TCF7L1: variants seen among roughly 807,000 people sequenced by gnomAD.
TCF7L1 encodes the protein transcription factor 7 like 1, also known as transcription factor 7-like 1.
Under a neutral mutation model 63.7 loss-of-function variants are expected in TCF7L1, and 18 were observed. The ratio of observed to expected loss-of-function variants is 0.28; its 90% CI spans 0.20 to 0.42. The LOEUF (loss-of-function observed/expected upper bound fraction) is 0.42, where lower values mean the gene tolerates loss of function less well. Ranked by LOEUF, TCF7L1 falls within the 10% of genes least tolerant of loss-of-function variation. The pLI, the probability that TCF7L1 is intolerant of heterozygous loss-of-function variation, is 1.00. For missense variants in TCF7L1, 654 were observed against 779.3 expected (o/e 0.84, Z 1.91); for synonymous variants, 355 against 340.9 (o/e 1.04, Z -0.46).
intron 3 of TCF7L1, among the ~76,000 whole-genome samples, chr2:85,198,748 C>G (rs937248271): frequency 1.3e-5 from 2 of 152,172 alleles, no homozygotes; most frequent in Non-Finnish European, 2.9e-5. Flanking sequence ...GTGGTCCTAG[C>G]TACTCTGGAG....
At chr2:85,304,233 C>G (rs1682052253) in intron 6 of TCF7L1, 22 bp from the exon 7 acceptor site, 1 of 1,608,290 alleles carries the variant, frequency 6.2e-7, no homozygotes, top group Non-Finnish European at 8.5e-7. Flanking sequence ...AATATGCTGA[C>G]CAGATTTCCT....
intron 3 of TCF7L1, among the ~76,000 whole-genome samples, chr2:85,152,417 A>G (rs1055397363): frequency 2.1e-4 from 31 of 149,796 alleles, no homozygotes; most frequent in Non-Finnish European, 4.3e-4. Context: ...CTCTAAAAGG[A>G]TATACCATTC....
At chr2:85,170,576 C>T (rs935531554) in intron 3 of TCF7L1, among the ~76,000 whole-genome samples, 14 of 152,110 alleles carry the variant, frequency 9.2e-5, no homozygotes, top group Non-Finnish European at 1.5e-4. Flanking sequence ...AGACTTCTTC[C>T]CTTATTGTAA....
rs186926560 is a variant in TCF7L1, at chr2:85,218,650, A to G, written c.442-64845A>G. On this transcript the variant is annotated intron_variant, in intron 3 of 11. Transcript: ENST00000282111. ...TCTTTTTATTCCAATGGGGGGGGGA[A>G]AACTGGTGATAGTGTTCTTTCCTAA... Among the ~76,000 whole-genome samples, 775 of 149,004 alleles carry G rather than the reference A, an allele frequency of 5.2e-3. 6 individuals carry two copies. Among genetic ancestry groups the G allele is most frequent in the African/African-American group, 0.018 (733 of 40,032 alleles).
intron 3 of TCF7L1, among the ~76,000 whole-genome samples, chr2:85,244,701 A>G (rs1372648106): frequency 6.6e-6 from 1 of 152,128 alleles, no homozygotes; most frequent in Non-Finnish European, 1.5e-5. Flanking sequence ...TTGGGTCTAG[A>G]AGTCAGGGAT....
chr2:85,150,524 G>C (rs909061301), intron 3 of TCF7L1, among the ~76,000 whole-genome samples: 1 of 151,416 alleles, frequency 6.6e-6, no homozygotes, highest in East Asian at 1.9e-4. Context: ...GAGCCACCGC[G>C]CCCGGCCATG....
At position 85,260,533 on chromosome 2, in the gene TCF7L1, C is replaced by A. The variant is rs138524326; in HGVS notation, c.442-22962C>A. On this transcript the variant is annotated intron_variant, in intron 3 of 11. Transcript: ENST00000282111. ...GTGCGTGCATGTAGTCCCAGCTACC[C>A]GGTGGGGACTGAGGTAGGAGGATTA... 2.0e-5 allele frequency among the ~76,000 whole-genome samples: 3 copies of A among 151,522 alleles called. No individual in the cohort carries two copies. In the East Asian group the frequency reaches 5.8e-4, roughly 29 times the overall value.
chr2:85,283,829 C>G (rs1558655965), intron 4 of TCF7L1, among the ~76,000 whole-genome samples: 1 of 152,174 alleles, frequency 6.6e-6, no homozygotes, highest in Non-Finnish European at 1.5e-5. Flanking sequence ...GGCTGCTCAC[C>G]CTGGTTCATC....
rs1046285843 is a variant in TCF7L1 at position 85,263,703 on chromosome 2, G to A, written c.442-19792G>A. On this transcript the variant is annotated intron_variant, in intron 3 of 11. Coordinates refer to ENST00000282111, the MANE Select transcript of TCF7L1 (RefSeq NM_031283.3). The stretch of plus-strand genomic sequence containing the variant: ...TGTGGGATTGAGCTGCCTGTAGCAC[G>A]GTGTCAAGGAAGCACTTGGAGATGA... Among the ~76,000 whole-genome samples, 7 of 152,214 alleles carry A rather than the reference G, an allele frequency of 4.6e-5. No individual in the cohort carries two copies. The East Asian group carries it at 5.8e-4, about 13-fold the overall frequency.
At chr2:85,259,431 G>C (rs1455145176) in intron 3 of TCF7L1, among the ~76,000 whole-genome samples, 1 of 152,170 alleles carries the variant, frequency 6.6e-6, no homozygotes, top group Admixed American at 6.5e-5. Context: ...CAAATTGTTC[G>C]CATTCATTTG....
intron 4 of TCF7L1, among the ~76,000 whole-genome samples, chr2:85,287,634 T>C (rs1444775302): frequency 6.6e-6 from 1 of 152,206 alleles, no homozygotes. Context: ...CCGTAGTCTA[T>C]ATTATAATAT....
In TCF7L1 at chr2:85,302,502, G is replaced by T. The variant is rs751988721; in HGVS notation, c.544G>T (p.Val182Phe). The change falls in exon 5 of 12, where the codon GTT becomes TTT. Residue 182 changes from valine (V) to phenylalanine (F), a missense_variant. Around this residue, in one of 3 missense-constraint regions of TCF7L1, gnomAD observed 404 missense variants for 454.8 expected, o/e 0.89. Coordinates refer to ENST00000282111, the MANE Select transcript of TCF7L1 (RefSeq NM_031283.3). ...CTTTCAGTCTAATAAAGTTCCTGTCGTTCAGCACCCGCATCACATGCATCC... is the reference window on the plus strand; with the variant it reads ...CTTTCAGTCTAATAAAGTTCCTGTCTTTCAGCACCCGCATCACATGCATCC... ...PAHLSNKVPVVQHPHHMHPLT... is the reference protein window; with the variant it reads ...PAHLSNKVPVFQHPHHMHPLT... The T allele has an allele frequency of 1.2e-6, 2 of 1,614,002 alleles. No homozygotes were observed. The highest frequency in any genetic ancestry group is 8.5e-7 in the Non-Finnish European group (1 of 1,180,018).
chr2:85,234,002 T>C (rs1423250277), intron 3 of TCF7L1: 1 of 152,158 alleles, frequency 6.6e-6, no homozygotes, highest in Non-Finnish European at 1.5e-5. Flanking sequence ...TGTGGGAAGA[T>C]TATGTATATA....
intron 3 of TCF7L1, among the ~76,000 whole-genome samples, chr2:85,142,731 C>G (rs1327884955): frequency 6.6e-6 from 1 of 152,120 alleles, no homozygotes; most frequent in African/African-American, 2.4e-5. Context: ...AATGCAGTTT[C>G]CAAAACCTTG....
chr2:85,229,020 CAAAAAA>C (rs1182542916), intron 3 of TCF7L1, among the ~76,000 whole-genome samples: 1 of 57,376 alleles, frequency 1.7e-5, no homozygotes, highest in East Asian at 6.0e-4. Context: ...GACTCTGTCT[CAAAAAA>C]AAAAAAAAAA....
Position 85,309,676 on chromosome 2 carries a change from T to C in TCF7L1, c.*214T>C. 4.2e-6 allele frequency: 2 copies of C among 478,264 alleles called. No individual in the cohort carries two copies. The highest frequency in any genetic ancestry group is 3.8e-5 in the Admixed American group (1 of 26,094). 29.6% of individuals were successfully genotyped at this position (478,264 alleles called of 1,614,324 possible). A position where few individuals can be genotyped will look rare whatever the true frequency, so the allele number is the denominator to read the frequency against. ...CAAAACAAAACAACAAAAAAAAATCTTTATAAGAAAGAGAACTGAAAAGTA... is the reference window on the plus strand; with the variant it reads ...CAAAACAAAACAACAAAAAAAAATCCTTATAAGAAAGAGAACTGAAAAGTA... On this transcript the variant is annotated 3_prime_UTR_variant, in exon 12 of 12. Coordinates refer to ENST00000282111, the MANE Select transcript of TCF7L1 (RefSeq NM_031283.3).
Position 85,174,702 on chromosome 2 carries a change from C to G in TCF7L1, c.441+40252C>G, listed in dbSNP as rs1678635078. Among the ~76,000 whole-genome samples, 4 of 152,312 alleles carry G rather than the reference C, an allele frequency of 2.6e-5. No individual in the cohort carries two copies. The South Asian group carries it at 8.3e-4, about 32-fold the overall frequency. On this transcript the variant is annotated intron_variant, in intron 3 of 11. Coordinates refer to ENST00000282111, the MANE Select transcript of TCF7L1 (RefSeq NM_031283.3). ...TGAGAGCCTCCTCATGGGATAGCAT[C>G]CCCCTGACTCCGCCTGACAACCATC...
chr2:85,190,699 G>C (rs1385416741), intron 3 of TCF7L1, among the ~76,000 whole-genome samples: 1 of 152,194 alleles, frequency 6.6e-6, no homozygotes, highest in Non-Finnish European at 1.5e-5. Context: ...CACAGTAGTA[G>C]CCAAAGAGAT....
chr2:85,199,606 T>C (rs986295148), intron 3 of TCF7L1, among the ~76,000 whole-genome samples: 1 of 152,184 alleles, frequency 6.6e-6, no homozygotes, highest in Non-Finnish European at 1.5e-5. Flanking sequence ...CAAGCGTCTG[T>C]ATGTCTTTAA....
Sources: allele counts gnomAD v4.1 joint callset (sites outside exome capture counted in the v4.1 genomes callset), GRCh38; gene constraint gnomAD v4.1.1; regional missense constraint gnomAD v4.1.1; transcripts MANE v1.5; gene names NCBI Gene and HGNC (gene_info 2026-07-23, HGNC 2026-07-21).